The following EPHB1 variants were observed in gnomAD, a reference collection of about 807,000 sequenced individuals.
EPHB1 encodes ephrin type-B receptor 1.
A neutral mutation model predicts 94.4 loss-of-function variants in EPHB1; 30 were observed. That is an observed-to-expected ratio of 0.32 (90% CI 0.24 to 0.43). EPHB1 has a LOEUF of 0.43. Ranked by LOEUF, EPHB1 falls within the 20% of genes least tolerant of loss-of-function variation. The pLI, the probability that EPHB1 is intolerant of heterozygous loss-of-function variation, is 1.00. For synonymous variants in EPHB1, 522 were observed against 489.1 expected (o/e 1.07, Z -0.89); for missense variants, 1,055 against 1,308.3 (o/e 0.81, Z 2.99).
chr3:135,085,122 T>C (rs180894095), intron 3 of EPHB1, among the ~76,000 whole-genome samples: 18 of 152,348 alleles, frequency 1.2e-4, no homozygotes, highest in Admixed American at 3.3e-4. Context: ...TCTGGGCCAC[T>C]GGCTTTAATA....
rs1419499793 is a variant in EPHB1, at chr3:135,053,023, G to GTATATATATATATATATA, written c.806-53424_806-53423insATATATATATATATATAT. On this transcript the variant is annotated intron_variant, in intron 3 of 15. Coordinates refer to ENST00000398015, the MANE Select transcript of EPHB1 (RefSeq NM_004441.5). ...TGTGTGTGTATATATATGTGTGTGTGTGTGTATATATATATATATATATAT... is the reference window on the plus strand; with the variant it reads ...TGTGTGTGTATATATATGTGTGTGTGTATATATATATATATATATGTGTATATATATATATATATATAT... Among the ~76,000 whole-genome samples the GTATATATATATATATATA allele has an allele frequency of 4.8e-3, 328 of 68,450 alleles. 13 individuals are homozygous for GTATATATATATATATATA. The highest frequency in any genetic ancestry group is 0.013 in the African/African-American group (221 of 17,670). The allele number at this position is 68,450 out of a possible 152,430, so 44.9% of individuals were successfully genotyped here. A position where few individuals can be genotyped will look rare whatever the true frequency, so the allele number is the denominator to read the frequency against.
intron 3 of EPHB1, among the ~76,000 whole-genome samples, chr3:135,052,890 A>AAAAATATAT (rs1553726757): frequency 3.7e-5 from 2 of 54,620 alleles, no homozygotes; most frequent in African/African-American, 2.1e-4. Flanking sequence ...AAAAAAAAAA[A>AAAAATATAT]ATATATATAT....
intron 1 of EPHB1, among the ~76,000 whole-genome samples, chr3:134,827,626 T>C (rs2036507889): frequency 6.6e-6 from 1 of 152,242 alleles, no homozygotes; most frequent in African/African-American, 2.4e-5. Context: ...TTCTGAATGA[T>C]CCCAGTTTCA....
intron 10 of EPHB1, among the ~76,000 whole-genome samples, chr3:135,192,195 C>T (rs1239334047): frequency 7.4e-6 from 1 of 135,558 alleles, no homozygotes; most frequent in Non-Finnish European, 1.6e-5. Flanking sequence ...CCTGAATGTT[C>T]TTGCACCAGT....
At position 135,149,014 on chromosome 3, in the gene EPHB1, T is replaced by G. The variant is rs1016195869; in HGVS notation, c.1298-5138T>G. 5.9e-5 allele frequency among the ~76,000 whole-genome samples: 9 copies of G among 152,314 alleles called. No individual in the cohort carries two copies. The South Asian group carries it at 1.9e-3, about 32-fold the overall frequency. On this transcript the variant is annotated intron_variant, in intron 5 of 15. Coordinates refer to ENST00000398015, the MANE Select transcript of EPHB1 (RefSeq NM_004441.5). ...TTTGCTCTTTGCTCTCCTATTTGGG[T>G]GCCTGTACTCTGTTGGGTCAGCCTC...
chr3:135,215,967 A>G (rs182577251), intron 12 of EPHB1, among the ~76,000 whole-genome samples: 1 of 152,356 alleles, frequency 6.6e-6, no homozygotes, highest in East Asian at 1.9e-4. Flanking sequence ...CAAAAATCCA[A>G]GTAAATCTGA....
At chr3:135,135,118 C>T (rs1222190000) in intron 5 of EPHB1, among the ~76,000 whole-genome samples, 3 of 152,040 alleles carry the variant, frequency 2.0e-5, no homozygotes, top group East Asian at 1.9e-4. Context: ...CTTAATCATC[C>T]CCGATTTTGT....
intron 2 of EPHB1, among the ~76,000 whole-genome samples, chr3:134,946,852 C>A (rs2039226351): frequency 6.6e-6 from 1 of 152,160 alleles, no homozygotes; most frequent in Non-Finnish European, 1.5e-5. Flanking sequence ...ATTGTGGTGC[C>A]ATGCTTCTTG....
chr3:135,110,139 A>G (rs1266709784), intron 4 of EPHB1, among the ~76,000 whole-genome samples: 1 of 152,250 alleles, frequency 6.6e-6, no homozygotes, highest in Non-Finnish European at 1.5e-5. Flanking sequence ...ACTATACAGA[A>G]GGACTGGTGT....
intron 3 of EPHB1, among the ~76,000 whole-genome samples, chr3:135,020,962 A>G (rs771039346): frequency 2.0e-5 from 3 of 152,126 alleles, no homozygotes; most frequent in Non-Finnish European, 4.4e-5. Context: ...ATTTGCTGCT[A>G]CTGCTTCCTT....
rs541983232 is a variant in EPHB1, at chr3:134,944,101, T to A, written c.124-7270T>A. Among the ~76,000 whole-genome samples the A allele has an allele frequency of 5.9e-5, 9 of 152,336 alleles. 1 individual carries two copies. In the South Asian group the frequency reaches 1.9e-3, roughly 32 times the overall value. On this transcript the variant is annotated intron_variant, in intron 2 of 15. Transcript: ENST00000398015. ...TTATCACTCCTAAAAAGATTCTTTA[T>A]GCCAGTTTGTAGTCGCTCCCCATTT...
chr3:135,141,654 T>G (rs916518159), intron 5 of EPHB1, among the ~76,000 whole-genome samples: 1 of 151,830 alleles, frequency 6.6e-6, no homozygotes, highest in East Asian at 1.9e-4. Context: ...TGGATGGGAG[T>G]GAGTGCCTAG....
intron 1 of EPHB1, among the ~76,000 whole-genome samples, chr3:134,860,172 G>GACACACACACACACACACACACAGACAC (rs2037222175): frequency 7.2e-6 from 1 of 139,150 alleles, no homozygotes; most frequent in Admixed American, 7.3e-5. Context: ...CACACACACA[G>GACACACACACACACACACACACAGACAC]ACACACACAC....
At chr3:135,107,438 T>C (rs562586432) in intron 4 of EPHB1, among the ~76,000 whole-genome samples, 7 of 152,334 alleles carry the variant, frequency 4.6e-5, no homozygotes, top group African/African-American at 1.7e-4. Context: ...CCTCTGAGCA[T>C]TGTAGCCCTG....
intron 1 of EPHB1, among the ~76,000 whole-genome samples, chr3:134,814,057 G>A (rs1326343441): frequency 1.3e-5 from 2 of 152,296 alleles, no homozygotes; most frequent in Non-Finnish European, 2.9e-5. Flanking sequence ...GTAAATGATG[G>A]ATGGATGGAC....
chr3:135,161,321 A>T (rs1941500232), intron 6 of EPHB1, among the ~76,000 whole-genome samples: 1 of 152,134 alleles, frequency 6.6e-6, no homozygotes, highest in Non-Finnish European at 1.5e-5. Flanking sequence ...GGGGGGGATG[A>T]GGACACAGGG....
chr3:134,901,909 G>A (rs909167732), intron 1 of EPHB1, among the ~76,000 whole-genome samples: 3 of 152,212 alleles, frequency 2.0e-5, no homozygotes, highest in African/African-American at 4.8e-5. Flanking sequence ...AAGAGTGGAT[G>A]TGACATATTC....
chr3:135,121,789 G>GTGTTC (rs1939971055), intron 4 of EPHB1, among the ~76,000 whole-genome samples: 1 of 152,008 alleles, frequency 6.6e-6, no homozygotes, highest in Admixed American at 6.5e-5. Flanking sequence ...TTCAGGTCAA[G>GTGTTC]TGTTCTGCAC....
At chr3:135,099,885 C>T (rs571853889) in intron 3 of EPHB1, among the ~76,000 whole-genome samples, 1 of 152,292 alleles carries the variant, frequency 6.6e-6, no homozygotes, top group Admixed American at 6.5e-5. Flanking sequence ...GAGCAATGAA[C>T]TCTGGGCTGC....
Sources: gnomAD v4.1 joint callset for allele counts (sites outside exome capture counted in the v4.1 genomes callset) on GRCh38, gnomAD v4.1.1 for gene constraint, MANE v1.5 for transcripts, NCBI Gene and HGNC (gene_info 2026-07-23, HGNC 2026-07-21) for gene names.